The following GNA14 variants were observed in gnomAD, a reference collection of about 807,000 sequenced individuals.
GNA14 encodes the protein G protein subunit alpha 14.
Under a neutral mutation model 42.0 loss-of-function variants are expected in GNA14, and 50 were observed. The observed-to-expected ratio is 1.19, with a 90% confidence interval of 0.95 to 1.51. The LOEUF is 1.51. GNA14 is among the 40% of genes most tolerant of loss of function. The probability of loss-of-function intolerance (pLI) is 0.00; values close to 1 mark genes in which losing one functional copy is unlikely to be tolerated. For missense variants in GNA14, 473 were observed against 446.2 expected, an observed-to-expected ratio of 1.06 and a Z score of -0.54; for synonymous variants, 173 against 163.1, an observed-to-expected ratio of 1.06 and a Z score of -0.46.
chr9:77,519,535 A>T (rs184036795), intron 2 of GNA14, among the ~76,000 whole-genome samples: 19 of 151,778 alleles, frequency 1.3e-4, no homozygotes, highest in African/African-American at 3.6e-4. Context: ...AATTTTTTTT[A>T]AAAAAAGCTT....
At chr9:77,452,644 TTGTG>T (rs1564018415) in intron 2 of GNA14, among the ~76,000 whole-genome samples, 5 of 1,112 alleles carry the variant, frequency 4.5e-3, no homozygotes. Flanking sequence ...GTGTGTGTGT[TTGTG>T]TTTGTGTGTG....
chr9:77,456,044 A>G (rs1282693630), intron 2 of GNA14, among the ~76,000 whole-genome samples: 1 of 152,220 alleles, frequency 6.6e-6, no homozygotes, highest in African/African-American at 2.4e-5. Flanking sequence ...TAAAATAATA[A>G]TAATAGCTAA....
At chr9:77,429,148 T>G in intron 4 of GNA14, 112 bp from the exon 5 acceptor site, 1 of 986,426 alleles carries the variant, frequency 1.0e-6, no homozygotes, top group East Asian at 2.5e-5. Flanking sequence ...CAGTAATTTC[T>G]AAGAGAGAAA....
In GNA14 at chr9:77,442,081, G is replaced by A. The variant is rs115238783; in HGVS notation, c.310-7559C>T. 3.4e-3 allele frequency among the ~76,000 whole-genome samples: 525 copies of A among 152,268 alleles called. 2 individuals carry two copies. The highest frequency in any genetic ancestry group is 0.012 in the African/African-American group (487 of 41,556). On this transcript the variant is annotated intron_variant, in intron 2 of 6. Coordinates refer to ENST00000341700, the MANE Select transcript of GNA14 (RefSeq NM_004297.4). Reference sequence around the variant, plus strand: ...CAAATATGCTTGAAAGTAGTAGAAAGCTAATGCAGGCCTGGTGCAGTGGCT... The same window carrying A: ...CAAATATGCTTGAAAGTAGTAGAAAACTAATGCAGGCCTGGTGCAGTGGCT...
Position 77,429,023 on chromosome 9 carries a change from C to T in GNA14, c.607G>A (p.Gly203Ser). ...TTCCGTCTTTCCGATCGTTGGCCAC[C>T]AACATCCACCATCCTGTTGTGTAGA... is the stretch of plus-strand genomic sequence containing the variant. Reference protein sequence around the residue: ...ENIIFRMVDVGGQRSERRKWI... With the variant: ...ENIIFRMVDVSGQRSERRKWI... Residue 203 changes from glycine (G) to serine (S), a missense_variant, in exon 5 of 7, where the codon GGT becomes AGT. Coordinates refer to ENST00000341700, the MANE Select transcript of GNA14 (RefSeq NM_004297.4). 6.2e-7 allele frequency: 1 copy of T among 1,614,038 alleles called. No homozygotes were observed. Among genetic ancestry groups the T allele is most frequent in the Non-Finnish European group, 8.5e-7 (1 of 1,179,934 alleles).
chr9:77,515,983 A>AAAAAAAAAAAAAAAG (rs1276481734), intron 2 of GNA14, among the ~76,000 whole-genome samples: 1 of 145,354 alleles, frequency 6.9e-6, no homozygotes, highest in Non-Finnish European at 1.5e-5. Flanking sequence ...AAAAAAAAAA[A>AAAAAAAAAAAAAAAG]CCCAGAGCAG....
intron 1 of GNA14, among the ~76,000 whole-genome samples, chr9:77,639,726 C>T (rs955626027): frequency 3.3e-5 from 5 of 152,248 alleles, no homozygotes; most frequent in African/African-American, 1.2e-4. Context: ...CCCTTAAATC[C>T]TGCCCTTTTG....
intron 1 of GNA14, among the ~76,000 whole-genome samples, chr9:77,560,438 G>A (rs1457235023): frequency 1.3e-5 from 2 of 151,974 alleles, no homozygotes; most frequent in African/African-American, 2.4e-5. Context: ...ACAGGTGCAC[G>A]ACACAGGTGC....
At chr9:77,501,713 C>CCTTT (rs1836974815) in intron 2 of GNA14, among the ~76,000 whole-genome samples, 1 of 130,420 alleles carries the variant, frequency 7.7e-6, no homozygotes, top group South Asian at 2.4e-4. Context: ...TGGATAATTT[C>CCTTT]TTTTTTTTTT....
chr9:77,482,105 G>C (rs1299316462), intron 2 of GNA14, among the ~76,000 whole-genome samples: 1 of 152,124 alleles, frequency 6.6e-6, no homozygotes, highest in South Asian at 2.1e-4. Flanking sequence ...ATGTTAGTTG[G>C]TTATTTTGCT....
At chr9:77,473,545 T>C (rs1836368131) in intron 2 of GNA14, among the ~76,000 whole-genome samples, 2 of 150,924 alleles carry the variant, frequency 1.3e-5, no homozygotes, top group Non-Finnish European at 2.9e-5. Context: ...TTAATATTGT[T>C]AAGATGGTAA....
chr9:77,509,768 G>A (rs1189958062), intron 2 of GNA14, among the ~76,000 whole-genome samples: 2 of 152,134 alleles, frequency 1.3e-5, no homozygotes, highest in East Asian at 3.9e-4. Context: ...TTTTGTCATT[G>A]AAAGTAATGA....
intron 2 of GNA14, among the ~76,000 whole-genome samples, chr9:77,472,119 C>A (rs569066848): frequency 1.3e-3 from 198 of 152,248 alleles, no homozygotes; most frequent in Middle Eastern, 3.4e-3. Context: ...AGCTTTGCAC[C>A]AGCTCTGTCA....
chr9:77,498,327 C>T (rs188806192), intron 2 of GNA14, among the ~76,000 whole-genome samples: 6 of 138,722 alleles, frequency 4.3e-5, no homozygotes, highest in South Asian at 2.3e-4. Flanking sequence ...GAGCCGAGAT[C>T]GCACCATTGC....
chr9:77,645,197 C>T (rs1457416538), intron 1 of GNA14, among the ~76,000 whole-genome samples: 2 of 152,240 alleles, frequency 1.3e-5, no homozygotes, highest in African/African-American at 4.8e-5. Flanking sequence ...CCATACTCCA[C>T]AAAAGGATTC....
At chr9:77,517,307 C>T (rs1282464843) in intron 2 of GNA14, 2 of 151,882 alleles carry the variant, frequency 1.3e-5, no homozygotes, top group Admixed American at 1.3e-4. Context: ...TTCATTCATT[C>T]ATTCAAAAAT....
intron 1 of GNA14, among the ~76,000 whole-genome samples, chr9:77,571,572 G>A (rs1263364050): frequency 2.6e-5 from 4 of 152,006 alleles, no homozygotes; most frequent in African/African-American, 9.7e-5. Flanking sequence ...AAGCCGAGGC[G>A]GGCAGATCAC....
At chr9:77,440,986 G>A (rs1835723007) in intron 2 of GNA14, among the ~76,000 whole-genome samples, 2 of 152,110 alleles carry the variant, frequency 1.3e-5, no homozygotes, top group African/African-American at 2.4e-5. Context: ...AAAGTGCTGG[G>A]ACTACAGGCG....
intron 1 of GNA14, among the ~76,000 whole-genome samples, chr9:77,536,332 T>C (rs935966732): frequency 6.6e-6 from 1 of 151,770 alleles, no homozygotes; most frequent in Non-Finnish European, 1.5e-5. Context: ...ATATGTTGTA[T>C]TATTTTTGTT....
Sources: gnomAD v4.1 joint callset for allele counts (sites outside exome capture counted in the v4.1 genomes callset) on GRCh38, gnomAD v4.1.1 for gene constraint, MANE v1.5 for transcripts, NCBI Gene and HGNC (gene_info 2026-07-23, HGNC 2026-07-21) for gene names.